Variants in LSAMP observed in about 807,000 individuals in gnomAD.
LSAMP encodes limbic system associated membrane protein.
Under a neutral mutation model 38.6 loss-of-function variants are expected in LSAMP, and 7 were observed. The ratio of observed to expected loss-of-function variants is 0.18; its 90% CI spans 0.10 to 0.34. LSAMP has a LOEUF of 0.34. LSAMP is among the 10% of genes least tolerant of loss of function. LSAMP has a pLI of 1.00. For missense variants in LSAMP, 313 were observed against 420.0 expected, an observed-to-expected ratio of 0.75 and a Z score of 2.23; for synonymous variants, 154 against 166.8, an observed-to-expected ratio of 0.92 and a Z score of 0.59.
intron 1 of LSAMP, among the ~76,000 whole-genome samples, chr3:116,129,417 A>G (rs548039901): frequency 9.9e-5 from 15 of 152,272 alleles, no homozygotes; most frequent in African/African-American, 3.6e-4. Flanking sequence ...CCAATTTCCT[A>G]CCTTGGGTAA....
intron 1 of LSAMP, among the ~76,000 whole-genome samples, chr3:116,147,862 T>C (rs2107523443): frequency 6.6e-6 from 1 of 152,084 alleles, no homozygotes; most frequent in Non-Finnish European, 1.5e-5. Flanking sequence ...CTTTCTCCTT[T>C]ACCCAGCTGA....
At chr3:115,990,986 G>A (rs956733523) in intron 3 of LSAMP, among the ~76,000 whole-genome samples, 1 of 152,022 alleles carries the variant, frequency 6.6e-6, no homozygotes, top group African/African-American at 2.4e-5. Context: ...ATTACTAGTA[G>A]ATTGGCTACT....
At chr3:116,172,827 G>A (rs1247769988) in intron 1 of LSAMP, among the ~76,000 whole-genome samples, 1 of 151,956 alleles carries the variant, frequency 6.6e-6, no homozygotes, top group Admixed American at 6.6e-5. Context: ...CTAAAGGTAA[G>A]GGTTGGTTCA....
chr3:116,405,113 T>G (rs994809006), intron 1 of LSAMP, among the ~76,000 whole-genome samples: 1 of 152,138 alleles, frequency 6.6e-6, no homozygotes, highest in African/African-American at 2.4e-5. Context: ...GCTTCCTAGA[T>G]ATAGGCAGCT....
At chr3:116,246,406 G>T (rs1020432074) in intron 1 of LSAMP, among the ~76,000 whole-genome samples, 2 of 152,134 alleles carry the variant, frequency 1.3e-5, no homozygotes, top group Admixed American at 1.3e-4. Flanking sequence ...ACCACGTTGT[G>T]TGCACACAAC....
At chr3:115,943,446 A>G (rs1937995634) in intron 3 of LSAMP, among the ~76,000 whole-genome samples, 1 of 152,182 alleles carries the variant, frequency 6.6e-6, no homozygotes, top group Non-Finnish European at 1.5e-5. Context: ...ACCACCCTCA[A>G]TTAGAGAATA....
intron 3 of LSAMP, among the ~76,000 whole-genome samples, chr3:115,922,382 A>C (rs116880560): frequency 6.6e-6 from 1 of 152,040 alleles, no homozygotes; most frequent in Non-Finnish European, 1.5e-5. Flanking sequence ...TGAATATTTC[A>C]GTTCAGAGCA....
Position 116,340,001 on chromosome 3 carries a change from T to C in LSAMP, c.155+104876A>G, listed in dbSNP as rs141310592. Among the ~76,000 whole-genome samples, 749 of 152,160 alleles carry C rather than the reference T, an allele frequency of 4.9e-3. 6 individuals are homozygous for C. The highest frequency in any genetic ancestry group is 0.028 in the South Asian group (135 of 4,828). On this transcript the variant is annotated intron_variant, in intron 1 of 6. Coordinates refer to ENST00000490035, the MANE Select transcript of LSAMP (RefSeq NM_002338.5). ...GTCTAGAGTATAACAACATGGTTAC[T>C]TTACAGTTAAAAGCTGACGGGTAGA...
At chr3:116,289,658 G>A (rs1228018817) in intron 1 of LSAMP, among the ~76,000 whole-genome samples, 2 of 151,926 alleles carry the variant, frequency 1.3e-5, no homozygotes, top group African/African-American at 4.8e-5. Flanking sequence ...AGAGTGCCTC[G>A]GTGGTAAGAT....
chr3:115,846,142 T>TA (rs1345083107), intron 4 of LSAMP, among the ~76,000 whole-genome samples: 1 of 152,216 alleles, frequency 6.6e-6, no homozygotes, highest in Admixed American at 6.5e-5. Context: ...TTTGTGTAGT[T>TA]AAAATAATAG....
rs200394981 is a variant in LSAMP, at chr3:116,330,958, C to T, written c.155+113919G>A. Among the ~76,000 whole-genome samples, 9 of 151,890 alleles carry T rather than the reference C, an allele frequency of 5.9e-5. No individual in the cohort carries two copies. The East Asian group carries it at 1.7e-3, about 29-fold the overall frequency. On this transcript the variant is annotated intron_variant, in intron 1 of 6. Transcript: ENST00000490035. Reference sequence around the variant, plus strand: ...TAAAAAGAACTAATGGCAGATTTACCTGACAAAGACTTTAAAACCATGGTC... The same window carrying T: ...TAAAAAGAACTAATGGCAGATTTACTTGACAAAGACTTTAAAACCATGGTC...
intron 2 of LSAMP, among the ~76,000 whole-genome samples, chr3:116,072,841 C>T (rs1707645133): frequency 7.2e-6 from 1 of 139,608 alleles, no homozygotes; most frequent in Non-Finnish European, 1.5e-5. Flanking sequence ...AGATTTTCAT[C>T]CCATTCTGTA....
intron 2 of LSAMP, among the ~76,000 whole-genome samples, chr3:116,060,298 T>C (rs1941570320): frequency 6.6e-6 from 1 of 151,684 alleles, no homozygotes; most frequent in Non-Finnish European, 1.5e-5. Flanking sequence ...TTGAAAAAAC[T>C]CACAAATACA....
chr3:116,007,112 T>A (rs1249765426), intron 3 of LSAMP, among the ~76,000 whole-genome samples: 1 of 152,234 alleles, frequency 6.6e-6, no homozygotes, highest in Non-Finnish European at 1.5e-5. Flanking sequence ...AGTTTTTTTT[T>A]TCTTTTTCTC....
intron 1 of LSAMP, among the ~76,000 whole-genome samples, chr3:116,427,486 C>T (rs888462318): frequency 3.9e-5 from 6 of 152,130 alleles, no homozygotes; most frequent in Non-Finnish European, 8.8e-5. Flanking sequence ...TTTTGAATAG[C>T]CATCAGAGCT....
At chr3:116,334,622 T>C (rs988015541) in intron 1 of LSAMP, among the ~76,000 whole-genome samples, 1 of 152,090 alleles carries the variant, frequency 6.6e-6, no homozygotes, top group African/African-American at 2.4e-5. Flanking sequence ...TATATCACAT[T>C]AACAGAATGA....
intron 2 of LSAMP, among the ~76,000 whole-genome samples, chr3:116,029,303 C>G (rs1486672590): frequency 6.6e-6 from 1 of 151,970 alleles, no homozygotes; most frequent in Non-Finnish European, 1.5e-5. Context: ...CCTGTGGGGT[C>G]GGCATTTGAA....
At chr3:116,396,376 C>G (rs2048767814) in intron 1 of LSAMP, among the ~76,000 whole-genome samples, 1 of 152,140 alleles carries the variant, frequency 6.6e-6, no homozygotes, top group Non-Finnish European at 1.5e-5. Context: ...TTTGTAACTA[C>G]TAAAATTCAG....
At chr3:115,951,082 A>G (rs960559153) in intron 3 of LSAMP, among the ~76,000 whole-genome samples, 2 of 152,188 alleles carry the variant, frequency 1.3e-5, no homozygotes, top group African/African-American at 4.8e-5. Flanking sequence ...ATGATGAATA[A>G]GAAACTGGAT....
Sources: gnomAD v4.1 joint callset for allele counts (sites outside exome capture counted in the v4.1 genomes callset) on GRCh38, gnomAD v4.1.1 for gene constraint, MANE v1.5 for transcripts, NCBI Gene and HGNC (gene_info 2026-07-23, HGNC 2026-07-21) for gene names.